The following IRF6 variants were observed in gnomAD, a reference collection of about 807,000 sequenced individuals.
IRF6 encodes the protein interferon regulatory factor 6.
In IRF6, 6 loss-of-function variants were observed where a neutral mutation model predicts 51.4. The observed-to-expected ratio is 0.12, with a 90% CI of 0.06 to 0.23. IRF6 has a LOEUF of 0.23. Among genes scored for constraint, IRF6 ranks in the 10% least tolerant of loss-of-function variants. The probability of loss-of-function intolerance (pLI) is 1.00; values close to 1 mark genes in which losing one functional copy is unlikely to be tolerated. For synonymous variants in IRF6, 178 were observed against 215.7 expected (o/e 0.83, Z 1.53); for missense variants, 348 against 585.2 (o/e 0.59, Z 4.18).
chr1:209,799,399 A>T (rs1029378035), intron 3 of IRF6, among the ~76,000 whole-genome samples: 7 of 152,200 alleles, frequency 4.6e-5, no homozygotes, highest in African/African-American at 1.7e-4. Flanking sequence ...TGTATCAACA[A>T]CATGAAGGTA....
chr1:209,799,174 G>T (rs966512393), intron 3 of IRF6, among the ~76,000 whole-genome samples: 3 of 152,112 alleles, frequency 2.0e-5, no homozygotes, highest in African/African-American at 7.2e-5. Context: ...TTTACCAAAG[G>T]GAGAGCTGAA....
intron 1 of IRF6, among the ~76,000 whole-genome samples, chr1:209,805,029 G>A (rs1204390903): frequency 1.3e-5 from 2 of 152,096 alleles, no homozygotes; most frequent in Non-Finnish European, 1.5e-5. Flanking sequence ...CTTCCCTTCT[G>A]CTGGATGGAA....
chr1:209,797,861 A>G (rs191435836), intron 3 of IRF6, among the ~76,000 whole-genome samples: 47 of 152,310 alleles, frequency 3.1e-4, no homozygotes, highest in African/African-American at 1.0e-3. Context: ...ATGCCGAAAA[A>G]GTAGGTACCA....
Position 209,786,230 on chromosome 1 carries a change from G to C in IRF6, c.*2190C>G, listed in dbSNP as rs1436618318. ...ATGGAATCCCTGCATGTACTCTCCC[G>C]GCATTCTGAAAAGAAGCCAAAACAA... On this transcript the variant is annotated 3_prime_UTR_variant, in exon 9 of 9. Coordinates refer to ENST00000367021, the MANE Select transcript of IRF6 (RefSeq NM_006147.4). 1 of 152,068 alleles carries C rather than the reference G, an allele frequency of 6.6e-6. No homozygotes were observed. Among genetic ancestry groups the C allele is most frequent in the South Asian group, 2.1e-4 (1 of 4,832 alleles). The allele number at this position is 152,068 out of a possible 1,614,324, so 9.4% of individuals were successfully genotyped here.
chr1:209,788,566 G>A lies in IRF6; in HGVS notation c.1258C>T (p.Arg420Cys), dbSNP rs770043363. 18 of 1,613,888 alleles carry A rather than the reference G, an allele frequency of 1.1e-5. No individual in the cohort carries two copies. Among genetic ancestry groups the A allele is most frequent in the South Asian group, 9.9e-5 (9 of 91,066 alleles). Residue 420 changes from arginine (R) to cysteine (C), a missense_variant, in exon 9 of 9, where the codon CGC (arginine) becomes TGC (cysteine). This residue lies in a region of IRF6 where 48 missense variants were observed against 66.9 expected (regional missense o/e 0.72). Transcript: ENST00000367021. ...ATGTCTGGGGTTGAGATCTGCAGGC[G>A]GACACTGCCACTATCAAAGGATCGT... ...FTRSFDSGSV[R>C]LQISTPDIKD... is the part of the protein sequence containing the mutation.
At chr1:209,793,707 CTCA>C (rs971171742) in intron 5 of IRF6, among the ~76,000 whole-genome samples, 13 of 152,086 alleles carry the variant, frequency 8.5e-5, no homozygotes, top group Non-Finnish European at 1.6e-4. Flanking sequence ...TTTTTTTATC[CTCA>C]TCCTCCTCCC....
At chr1:209,797,066 T>C (rs1009509580) in intron 3 of IRF6, among the ~76,000 whole-genome samples, 6 of 152,158 alleles carry the variant, frequency 3.9e-5, no homozygotes, top group Non-Finnish European at 7.3e-5. Flanking sequence ...CAGTCTTCAA[T>C]CTAATACATA....
chr1:209,801,693 A>T (rs1044471053), intron 2 of IRF6, among the ~76,000 whole-genome samples: 1 of 152,258 alleles, frequency 6.6e-6, no homozygotes, highest in African/African-American at 2.4e-5. Flanking sequence ...TGAAGCAGAA[A>T]AATAAAAAGG....
In IRF6 at chr1:209,796,342, C is replaced by A. The variant is rs1287918884; in HGVS notation, c.379+6G>T. 2 of 1,613,420 alleles carry A rather than the reference C, an allele frequency of 1.2e-6. No homozygotes were observed. Among genetic ancestry groups the A allele is most frequent in the Non-Finnish European group, 1.7e-6 (2 of 1,179,704 alleles). On this transcript the variant is annotated splice_donor_region_variant and intron_variant, in intron 4 of 8. Transcript: ENST00000367021. The surrounding 1 kb of genome is among the most constrained non-coding windows in gnomAD (Gnocchi z 4.5). ...CCCACCTTCTCCCCAGCACCTGGGG[C>A]CTCACCTGGGTTAATGATCGAGCCC...
chr1:209,792,242 G>A (rs2235375), intron 6 of IRF6, 27 bp downstream of exon 6: 40 of 1,607,282 alleles, frequency 2.5e-5, no homozygotes, highest in South Asian at 2.3e-4. Context: ...GCAGAAGACC[G>A]AGCAAGAAAG....
At chr1:209,805,729 T>C (rs1191579180) in intron 1 of IRF6, among the ~76,000 whole-genome samples, 3 of 152,020 alleles carry the variant, frequency 2.0e-5, no homozygotes, top group Non-Finnish European at 4.4e-5. Flanking sequence ...GACACAAGTG[T>C]AGATTCGAGA....
chr1:209,788,589 C>A lies in IRF6; in HGVS notation c.1235G>T (p.Arg412Leu). 1 of 1,614,072 alleles carries A rather than the reference C, an allele frequency of 6.2e-7. No homozygotes were observed. The highest frequency in any genetic ancestry group is 2.2e-5 in the East Asian group (1 of 44,884). ...GCGGACACTGCCACTATCAAAGGATCGTGTGAAATCACCAGAAAACATCTC... is the reference window on the plus strand; with the variant it reads ...GCGGACACTGCCACTATCAAAGGATAGTGTGAAATCACCAGAAAACATCTC... ...IYEMFSGDFT[R>L]SFDSGSVRLQ... is the part of the protein sequence containing the mutation. The change falls in exon 9 of 9, where the codon CGA becomes CTA. Residue 412 changes from arginine to leucine, a missense_variant. Coordinates refer to ENST00000367021, the MANE Select transcript of IRF6 (RefSeq NM_006147.4).
chr1:209,794,315 ATG>A (rs1321179457), intron 5 of IRF6, among the ~76,000 whole-genome samples: 1 of 152,176 alleles, frequency 6.6e-6, no homozygotes, highest in African/African-American at 2.4e-5. Flanking sequence ...TATTTCTCTA[ATG>A]ATTAGTGACA....
At chr1:209,797,454 G>A (rs982923798) in intron 3 of IRF6, among the ~76,000 whole-genome samples, 3 of 144,956 alleles carry the variant, frequency 2.1e-5, no homozygotes, top group African/African-American at 7.6e-5. Flanking sequence ...GGTTCAGCTT[G>A]TCCCTCTGGC....
intron 3 of IRF6, among the ~76,000 whole-genome samples, chr1:209,797,227 G>A (rs533778664): frequency 2.9e-4 from 44 of 152,090 alleles, no homozygotes; most frequent in African/African-American, 3.9e-4. Flanking sequence ...AAAATTAGCC[G>A]GGCATGGTGG....
intron 1 of IRF6, among the ~76,000 whole-genome samples, chr1:209,804,827 G>A (rs1003228190): frequency 2.6e-5 from 4 of 152,176 alleles, no homozygotes; most frequent in African/African-American, 7.2e-5. Context: ...CACAAAAGCC[G>A]AGATTTGGCC....
chr1:209,789,602 C>G, intron 8 of IRF6, 65 bp downstream of exon 8: 1 of 1,192,082 alleles, frequency 8.4e-7, no homozygotes, highest in East Asian at 2.3e-5. Context: ...GGGCTCAACC[C>G]AGACCTGGGG....
chr1:209,795,455 A>G (rs1478930231), intron 4 of IRF6, 37 bp from the exon 5 acceptor site: 1 of 1,612,168 alleles, frequency 6.2e-7, no homozygotes, highest in East Asian at 2.2e-5. Flanking sequence ...TGAGCCATTC[A>G]GGTTGCACTG....
intron 1 of IRF6, among the ~76,000 whole-genome samples, chr1:209,802,516 T>C (rs929744344): frequency 6.6e-6 from 1 of 152,256 alleles, no homozygotes; most frequent in Non-Finnish European, 1.5e-5. Flanking sequence ...ATTTTGTTTT[T>C]ACTTAAGATG....
Sources: allele counts gnomAD v4.1 joint callset (sites outside exome capture counted in the v4.1 genomes callset), GRCh38; gene constraint gnomAD v4.1.1; regional missense constraint gnomAD v4.1.1; non-coding constraint Gnocchi (gnomAD v3.1); transcripts MANE v1.5; gene names NCBI Gene and HGNC (gene_info 2026-07-23, HGNC 2026-07-21).